Variants in ANKS1B observed in about 807,000 individuals in gnomAD.
The protein encoded by ANKS1B is ankyrin repeat and sterile alpha motif domain containing 1B, also known as ankyrin repeat and sterile alpha motif domain-containing protein 1B.
In ANKS1B, 36 loss-of-function variants were observed where a neutral mutation model predicts 148.3. That is an observed-to-expected ratio of 0.24 (90% CI 0.19 to 0.32). The LOEUF (loss-of-function observed/expected upper bound fraction) is 0.32, where lower values mean the gene tolerates loss of function less well. Among genes scored for constraint, ANKS1B ranks in the 10% least tolerant of loss-of-function variants. The pLI is 1.00. For missense variants in ANKS1B, 1,157 were observed against 1,542.6 expected (o/e 0.75, Z 4.19); for synonymous variants, 542 against 560.8 (o/e 0.97, Z 0.47).
chr12:99,142,364 T>C (rs1469007621), intron 15 of ANKS1B, among the ~76,000 whole-genome samples: 2 of 152,102 alleles, frequency 1.3e-5, no homozygotes, highest in Non-Finnish European at 1.5e-5. Flanking sequence ...CTGATGGTAT[T>C]AAGGCCTGAT....
At chr12:99,169,052 T>C (rs928780825) in intron 14 of ANKS1B, among the ~76,000 whole-genome samples, 1 of 151,990 alleles carries the variant, frequency 6.6e-6, no homozygotes, top group Non-Finnish European at 1.5e-5. Flanking sequence ...CTTTTTATAC[T>C]TTATTCATTT....
At chr12:99,027,875 A>G (rs893690619) in intron 17 of ANKS1B, among the ~76,000 whole-genome samples, 2 of 152,274 alleles carry the variant, frequency 1.3e-5, no homozygotes, top group African/African-American at 4.8e-5. Context: ...ACTTTACTGT[A>G]TAAACTCCAA....
chr12:99,088,848 T>TG (rs754769437), intron 15 of ANKS1B, among the ~76,000 whole-genome samples: 46 of 138,004 alleles, frequency 3.3e-4, no homozygotes, highest in Non-Finnish European at 6.1e-4. Context: ...GTTTTTTTTT[T>TG]TTTTTTTTTT....
intron 1 of ANKS1B, among the ~76,000 whole-genome samples, chr12:99,936,176 G>T (rs111432712): frequency 0.037 from 5,675 of 152,214 alleles, 331 homozygotes; most frequent in African/African-American, 0.13. Flanking sequence ...GTGAGATTTG[G>T]GTGGGGACAT....
intron 1 of ANKS1B, among the ~76,000 whole-genome samples, chr12:99,903,923 T>G (rs11110106): frequency 0.063 from 9,512 of 152,180 alleles, 337 homozygotes; most frequent in Middle Eastern, 0.15. Context: ...AGTTGCCAAG[T>G]GTTCAAAACC....
intron 17 of ANKS1B, among the ~76,000 whole-genome samples, chr12:98,909,849 G>C (rs890480668): frequency 6.6e-6 from 1 of 152,186 alleles, no homozygotes; most frequent in African/African-American, 2.4e-5. Flanking sequence ...AAGACCAAAG[G>C]AGCACATGAA....
chr12:99,611,871 T>C (rs551378469), intron 9 of ANKS1B, among the ~76,000 whole-genome samples: 1 of 152,208 alleles, frequency 6.6e-6, no homozygotes, highest in East Asian at 1.9e-4. Flanking sequence ...TATCAATCTG[T>C]GGAATTCTAC....
chr12:99,577,424 A>G (rs1411810298), intron 9 of ANKS1B, among the ~76,000 whole-genome samples: 1 of 151,738 alleles, frequency 6.6e-6, no homozygotes, highest in African/African-American at 2.4e-5. Flanking sequence ...AATCCATACT[A>G]AAGATCAACA....
chr12:99,065,630 CCATCCATCCCATCCAT>C (rs1409899260), intron 16 of ANKS1B, among the ~76,000 whole-genome samples: 2,778 of 124,310 alleles, frequency 0.022, 80 homozygotes, highest in East Asian at 0.13. Context: ...ATCCATCCAT[CCATCCATCCCATCCAT>C]CCATCCATCC....
rs75354607 is a variant in ANKS1B, at chr12:98,919,349, T to C, written c.2779-87213A>G. ...AGAATCAACCATGGATTACTTCCAA[T>C]GACCAGTGCAATGACTTGAGCACAC... On this transcript the variant is annotated intron_variant, in intron 17 of 26. Coordinates refer to ENST00000683438, the MANE Select transcript of ANKS1B (RefSeq NM_001352186.2). 2.5e-3 allele frequency among the ~76,000 whole-genome samples: 388 copies of C among 152,330 alleles called. 4 individuals carry two copies. In the East Asian group the frequency reaches 0.05, roughly 19 times the overall value.
At chr12:99,795,501 G>A (rs1441138939) in intron 4 of ANKS1B, among the ~76,000 whole-genome samples, 2 of 151,908 alleles carry the variant, frequency 1.3e-5, no homozygotes, top group East Asian at 3.9e-4. Context: ...CTTACTGAAA[G>A]AACTTCTATA....
At chr12:99,712,970 G>T (rs2056837109) in intron 8 of ANKS1B, among the ~76,000 whole-genome samples, 1 of 152,136 alleles carries the variant, frequency 6.6e-6, no homozygotes, top group East Asian at 1.9e-4. Context: ...TCTAACTGGA[G>T]AATTTTGGAA....
At chr12:98,781,940 T>C (rs1037734459) in intron 23 of ANKS1B, among the ~76,000 whole-genome samples, 186 bp downstream of exon 23, 1 of 152,238 alleles carries the variant, frequency 6.6e-6, no homozygotes, top group African/African-American at 2.4e-5. Context: ...ATGTTCACAC[T>C]GGCTGAATGT....
At chr12:98,923,012 T>C (rs1339883733) in intron 17 of ANKS1B, among the ~76,000 whole-genome samples, 1 of 151,922 alleles carries the variant, frequency 6.6e-6, no homozygotes, top group Non-Finnish European at 1.5e-5. Context: ...AAGCCCATGG[T>C]GAAATTCAAT....
At chr12:99,519,201 C>T (rs11109891) in intron 9 of ANKS1B, among the ~76,000 whole-genome samples, 17,661 of 152,070 alleles carry the variant, frequency 0.12, 2,380 homozygotes, top group African/African-American at 0.33. Context: ...TCTTCAGTCA[C>T]TGAGTGAGAT....
intron 9 of ANKS1B, among the ~76,000 whole-genome samples, chr12:99,530,490 C>T (rs1424933911): frequency 3.3e-5 from 5 of 152,102 alleles, no homozygotes; most frequent in Non-Finnish European, 5.9e-5. Context: ...TAACTCTCCA[C>T]GTGAAAATAC....
At chr12:99,514,015 T>C (rs2096791793) in intron 9 of ANKS1B, among the ~76,000 whole-genome samples, 1 of 152,086 alleles carries the variant, frequency 6.6e-6, no homozygotes, top group Non-Finnish European at 1.5e-5. Context: ...ATTTCCTTGC[T>C]GAATGATTTC....
intron 22 of ANKS1B, among the ~76,000 whole-genome samples, chr12:98,796,936 A>T (rs1001637101): frequency 2.6e-5 from 4 of 152,238 alleles, no homozygotes; most frequent in Non-Finnish European, 4.4e-5. Context: ...TTCAAATCAT[A>T]CATCTGGTAT....
At chr12:99,414,014 G>C (rs2094810354) in intron 11 of ANKS1B, among the ~76,000 whole-genome samples, 1 of 152,078 alleles carries the variant, frequency 6.6e-6, no homozygotes, top group African/African-American at 2.4e-5. Context: ...AGAACAGACA[G>C]TTGCTCTCAA....
Sources: gnomAD v4.1 joint callset for allele counts (sites outside exome capture counted in the v4.1 genomes callset) on GRCh38, gnomAD v4.1.1 for gene constraint, MANE v1.5 for transcripts, NCBI Gene and HGNC (gene_info 2026-07-23, HGNC 2026-07-21) for gene names.